The following MEN1 variants were observed in gnomAD, a reference collection of about 807,000 sequenced individuals.
The protein encoded by MEN1 is menin.
Under a neutral mutation model 58.0 loss-of-function variants are expected in MEN1, and 6 were observed. That is an observed-to-expected ratio of 0.10 (90% CI 0.06 to 0.20). The LOEUF (loss-of-function observed/expected upper bound fraction) is 0.20, where lower values mean the gene tolerates loss of function less well. Among genes scored for constraint, MEN1 ranks in the 10% least tolerant of loss-of-function variants. MEN1 has a pLI of 1.00. For missense variants in MEN1, 492 were observed against 818.5 expected (o/e 0.60, Z 4.87); for synonymous variants, 346 against 350.7 (o/e 0.99, Z 0.15).
In MEN1 at chr11:64,807,905, C is replaced by T. The variant is rs781493730; in HGVS notation, c.640G>A (p.Gly214Ser). 23 of 1,613,994 alleles carry T rather than the reference C, an allele frequency of 1.4e-5. No individual in the cohort carries two copies. The highest frequency in any genetic ancestry group is 6.6e-5 in the South Asian group (6 of 91,088). ...EDRRGQTVNA[G>S]VAERSWLYLK... ...GGGAACAATACCCGCTCAGCCACACCGGCATTGACTGTCTGGCCCCTGCGG... is the reference window on the plus strand; with the variant it reads ...GGGAACAATACCCGCTCAGCCACACTGGCATTGACTGTCTGGCCCCTGCGG... The change falls in exon 3 of 10, where the codon GGT becomes AGT. Residue 214 changes from glycine (G) to serine (S), a missense_variant. Physicochemically the swap from Gly to Ser is moderately conservative, Grantham distance 56. Transcript: ENST00000450708. This position sits in a 1 kb window ranked among gnomAD's most constrained non-coding sequence, Gnocchi z 4.9.
Position 64,809,655 on chromosome 11 carries a change from G to A in MEN1, c.445+10C>T, listed in dbSNP as rs754044830. ...GTCATGGATAAGATTCCCACCTACT[G>A]GGCTCCAACCTGTGATGAAGCTGAA... is the stretch of plus-strand genomic sequence containing the variant. On this transcript the variant is annotated intron_variant, in intron 2 of 9. Transcript: ENST00000450708. 2 of 1,613,912 alleles carry A rather than the reference G, an allele frequency of 1.2e-6. No individual in the cohort carries two copies. The highest frequency in any genetic ancestry group is 1.7e-6 in the Non-Finnish European group (2 of 1,179,800).
chr11:64,806,977 G>T (rs1021989103), intron 6 of MEN1, 34 bp downstream of exon 6: 3 of 1,600,186 alleles, frequency 1.9e-6, no homozygotes, highest in Non-Finnish European at 2.6e-6. Context: ...CACTGTTAGG[G>T]TCTCCCTTCT....
rs2136188922 is a variant in MEN1 at position 64,809,890 on chromosome 11, C to T, written c.220G>A (p.Gly74Ser). ...TCGGCCACGGGAAAGTAGGTGAGGC[C>T]GCCAGGCGGGTCGGGGGCGGGGCTG... ...QPSPAPDPPG[G>S]LTYFPVADLS... is the part of the protein sequence containing the mutation. Residue 74 changes from glycine (G) to serine (S), a missense_variant, in exon 2 of 10, where the codon GGC becomes AGC. Around this residue, in one of 5 missense-constraint regions of MEN1, gnomAD observed 335 missense variants for 550.3 expected, o/e 0.61. Transcript: ENST00000450708. 1.3e-6 allele frequency: 2 copies of T among 1,596,442 alleles called. No homozygotes were observed. The highest frequency in any genetic ancestry group is 1.7e-6 in the Non-Finnish European group (2 of 1,171,632).
intron 6 of MEN1, 54 bp from the exon 7 acceptor site, chr11:64,806,422 T>C: frequency 6.2e-7 from 1 of 1,610,644 alleles, no homozygotes; most frequent in Middle Eastern, 1.7e-4. Flanking sequence ...GCTGCCCTGC[T>C]GGCACAAATG....
Position 64,805,154 on chromosome 11 carries a change from G to A in MEN1, c.1230C>T (p.Phe410=), listed in dbSNP as rs878855188. ...QGSALQDPEC[F]AHLLRFYDGI... ...CGTCGTAGAATCGCAGCAGGTGGGC[G>A]AAGCACTCAGGGTCCTGGAGGGCGG... The change falls in exon 9 of 10, where the codon TTC becomes TTT. Residue 410 remains phenylalanine, a synonymous_variant. Transcript: ENST00000450708. 1.1e-5 allele frequency: 17 copies of A among 1,613,962 alleles called. No individual in the cohort carries two copies. In the Middle Eastern group the frequency reaches 6.7e-4, roughly 63 times the overall value.
chr11:64,805,238 C>T, intron 8 of MEN1, 40 bp from the exon 9 acceptor site: 1 of 1,607,420 alleles, frequency 6.2e-7, no homozygotes, highest in South Asian at 1.1e-5. Flanking sequence ...CAGTCTCTTA[C>T]TCACCCCTTA....
In MEN1 at chr11:64,810,109, TG is replaced by T; in HGVS notation, c.-1del. The T allele has an allele frequency of 9.0e-7, 1 of 1,114,356 alleles. No homozygotes were observed. Among genetic ancestry groups the T allele is most frequent in the Non-Finnish European group, 1.1e-6 (1 of 883,624 alleles). 69.0% of individuals were successfully genotyped at this position (1,114,356 alleles called of 1,614,324 possible). ...GTCTTCTGGGCGGCCTTCAGCCCCATGGCGGCGGGCGGTGGGCGGCGGCCTG... is the reference window on the plus strand; with the variant it reads ...GTCTTCTGGGCGGCCTTCAGCCCCATGCGGCGGGCGGTGGGCGGCGGCCTG... On this transcript the variant is annotated 5_prime_UTR_variant, in exon 2 of 10. Transcript: ENST00000450708.
chr11:64,805,750 T>A lies in MEN1; in HGVS notation c.1070A>T (p.Asp357Val). 6.2e-7 allele frequency: 1 copy of A among 1,611,988 alleles called. No individual in the cohort carries two copies. The highest frequency in any genetic ancestry group is 8.5e-7 in the Non-Finnish European group (1 of 1,179,174). The change falls in exon 8 of 10, where the codon GAC (aspartate) becomes GTC (valine). Residue 357 changes from aspartate to valine, a missense_variant. Coordinates refer to ENST00000450708, the MANE Select transcript of MEN1 (RefSeq NM_001370259.2). The part of the protein sequence containing the change: ...VIQDYNYCRE[D>V]EEIYKEFFEV... ...AAAGAACTCCTTGTAGATCTCCTCGTCTTCCCGGCAGTAGTTGTAGCTGTG... is the reference window on the plus strand; with the variant it reads ...AAAGAACTCCTTGTAGATCTCCTCGACTTCCCGGCAGTAGTTGTAGCTGTG...
At chr11:64,805,542 T>C in intron 8 of MEN1, 93 bp downstream of exon 8, 6 of 1,510,150 alleles carry the variant, frequency 4.0e-6, no homozygotes, top group Non-Finnish European at 5.4e-6. Flanking sequence ...CCTCCTGCCA[T>C]CCCTAATCCC....
chr11:64,807,037 G>A lies in MEN1; in HGVS notation c.886C>T (p.Pro296Ser), dbSNP rs1941777494. The change falls in exon 6 of 10, where the codon CCA becomes TCA. Residue 296 changes from proline (P) to serine (S), a missense_variant. Physicochemically the swap from Pro to Ser is moderately conservative, Grantham distance 74 (BLOSUM62 -1). Transcript: ENST00000450708. This position sits in a 1 kb window ranked among gnomAD's most constrained non-coding sequence, Gnocchi z 4.9. Reference protein sequence around the residue: ...LEELEPTPGRPDPLTLYHKGI... With the variant: ...LEELEPTPGRSDPLTLYHKGI... ...TTGTGGTAGAGGGTGAGTGGGTCTG[G>A]CCGGCCAGGGGTGGGCTCCAGCTCC... The A allele has an allele frequency of 6.2e-7, 1 of 1,613,202 alleles. No homozygotes were observed.
At chr11:64,806,018 G>GAA in intron 7 of MEN1, 4 of 638,042 alleles carry the variant, frequency 6.3e-6, no homozygotes, top group South Asian at 1.9e-5. Flanking sequence ...ACTGTTCTGA[G>GAA]AAAAAAAAAA....
rs994749940 is a variant in MEN1 at position 64,804,292 on chromosome 11, C to T, written c.*42G>A. ...GGGCTCAGAGTTGGGGGACTAAGGG[C>T]GGAGCCTGGGTCCCCACAAGCGGTC... On this transcript the variant is annotated 3_prime_UTR_variant, in exon 10 of 10. Transcript: ENST00000450708. This position sits in a 1 kb window ranked among gnomAD's most constrained non-coding sequence, Gnocchi z 4.2. 3.1e-6 allele frequency: 5 copies of T among 1,613,590 alleles called. No individual in the cohort carries two copies. In the South Asian group the frequency reaches 3.3e-5, roughly 11 times the overall value.
At chr11:64,808,196 T>G (rs887933733) in intron 2 of MEN1, 97 bp from the exon 3 acceptor site, 1 of 1,185,176 alleles carries the variant, frequency 8.4e-7, no homozygotes, top group African/African-American at 1.5e-5. Context: ...CCACTCCCTT[T>G]CCAAGCCTGT....
At chr11:64,806,190 G>T (rs376846834) in intron 7 of MEN1, 42 bp downstream of exon 7, 29 of 1,612,324 alleles carry the variant, frequency 1.8e-5, no homozygotes, top group Non-Finnish European at 2.5e-5. Context: ...TGATGGAGGG[G>T]AAGAAAGGAC....
rs754129242 is a variant in MEN1, at chr11:64,805,692, C to T, written c.1128G>A (p.Leu376=). The T allele has an allele frequency of 1.9e-5, 30 of 1,614,064 alleles. No homozygotes were observed. Among genetic ancestry groups the T allele is most frequent in the Non-Finnish European group, 2.5e-5 (29 of 1,180,034 alleles). The change falls in exon 8 of 10, where the codon CTG becomes CTA. Residue 376 remains leucine (L), a synonymous_variant. Coordinates refer to ENST00000450708, the MANE Select transcript of MEN1 (RefSeq NM_001370259.2). ...CCTCCAGCAAGCTGGCTGCCTCCTT[C>T]AGCAGGTTGGGGATGACATCATTGG... ...EVANDVIPNL[L]KEAASLLEAG...
Position 64,803,919 on chromosome 11 carries a change from G to A in MEN1, c.*415C>T, listed in dbSNP as rs1941448788. On this transcript the variant is annotated 3_prime_UTR_variant, in exon 10 of 10. Coordinates refer to ENST00000450708, the MANE Select transcript of MEN1 (RefSeq NM_001370259.2). ...AGGGGCTGAGTGGTCCTAGGCTCCC[G>A]GGCTGGAGGTGGGACCTGTGCTCCT... 3.0e-6 allele frequency: 1 copy of A among 333,418 alleles called. No homozygotes were observed. The highest frequency in any genetic ancestry group is 4.5e-5 in the Admixed American group (1 of 22,298). 20.7% of individuals were successfully genotyped at this position (333,418 alleles called of 1,614,324 possible).
At chr11:64,810,247 C>T in intron 1 of MEN1, 115 bp from the exon 2 acceptor site, 1 of 662,174 alleles carries the variant, frequency 1.5e-6, no homozygotes, top group Non-Finnish European at 2.6e-6. Flanking sequence ...TGCTTCCCCA[C>T]CCTCTTCAGC....
At position 64,809,896 on chromosome 11, in the gene MEN1, G is replaced by C; in HGVS notation, c.214C>G (p.Pro72Ala). The stretch of plus-strand genomic sequence containing the variant: ...ACGGGAAAGTAGGTGAGGCCGCCAG[G>C]CGGGTCGGGGGCGGGGCTGGGCTGG... Reference protein sequence around the residue: ...TFQPSPAPDPPGGLTYFPVAD... With the variant: ...TFQPSPAPDPAGGLTYFPVAD... The change falls in exon 2 of 10, where the codon CCT becomes GCT. Residue 72 changes from proline (P) to alanine (A), a missense_variant. Around this residue, in one of 5 missense-constraint regions of MEN1, gnomAD observed 335 missense variants for 550.3 expected, o/e 0.61. Coordinates refer to ENST00000450708, the MANE Select transcript of MEN1 (RefSeq NM_001370259.2). 6.3e-7 allele frequency: 1 copy of C among 1,594,018 alleles called. No individual in the cohort carries two copies. The highest frequency in any genetic ancestry group is 8.5e-7 in the Non-Finnish European group (1 of 1,169,986).
chr11:64,806,318 G>A lies in MEN1; in HGVS notation c.963C>T (p.Tyr321=), dbSNP rs1555165094. The A allele has an allele frequency of 6.2e-7, 1 of 1,614,212 alleles. No homozygotes were observed. The highest frequency in any genetic ancestry group is 8.5e-7 in the Non-Finnish European group (1 of 1,180,014). The change falls in exon 7 of 10, where the codon TAC becomes TAT. Residue 321 remains tyrosine, a synonymous_variant. Transcript: ENST00000450708. ...GACAGTGGTAGCCAGCCAGGTACAT[G>A]TAGGGGTAGATGTGTTCATCCCGAT... The part of the protein sequence containing the change: ...TYYRDEHIYP[Y]MYLAGYHCRN...
Sources: gnomAD v4.1 joint callset for allele counts on GRCh38, gnomAD v4.1.1 for gene constraint, gnomAD v4.1.1 regional missense constraint, Gnocchi (gnomAD v3.1) non-coding constraint, MANE v1.5 for transcripts, NCBI Gene and HGNC (gene_info 2026-07-23, HGNC 2026-07-21) for gene names.